The following BIRC6 variants were observed in gnomAD, a reference collection of about 807,000 sequenced individuals.
BIRC6 encodes the protein baculoviral IAP repeat containing 6, also known as dual E2 ubiquitin-conjugating enzyme/E3 ubiquitin-protein ligase BIRC6.
Under a neutral mutation model 503.3 loss-of-function variants are expected in BIRC6, and 98 were observed. That is an observed-to-expected ratio of 0.19 (90% CI 0.17 to 0.23). BIRC6 has a LOEUF of 0.23. Ranked by LOEUF, BIRC6 falls within the 10% of genes least tolerant of loss-of-function variation. The pLI, the probability that BIRC6 is intolerant of heterozygous loss-of-function variation, is 1.00. For synonymous variants in BIRC6, 2,240 were observed against 2,078.7 expected, an observed-to-expected ratio of 1.08 and a Z score of -2.11; for missense variants, 5,360 against 5,806.0, an observed-to-expected ratio of 0.92 and a Z score of 2.50.
At chr2:32,417,633 G>T (rs755030740) in intron 10 of BIRC6, among the ~76,000 whole-genome samples, 1 of 152,098 alleles carries the variant, frequency 6.6e-6, no homozygotes, top group East Asian at 1.9e-4. Context: ...GCAGAGTTAC[G>T]CATGCATCTC....
chr2:32,522,910 G>A (rs531785459), intron 57 of BIRC6: 2 of 152,280 alleles, frequency 1.3e-5, no homozygotes, highest in South Asian at 4.1e-4. Context: ...TTTCTTCCTG[G>A]ATTTCCGGCT....
chr2:32,380,722 TG>T (rs1274770613), intron 3 of BIRC6, among the ~76,000 whole-genome samples: 3 of 152,078 alleles, frequency 2.0e-5, no homozygotes, highest in African/African-American at 7.2e-5. Flanking sequence ...AGTGAGACTC[TG>T]TTGCCCAAAA....
At chr2:32,540,094 A>G (rs1475270396) in intron 61 of BIRC6, among the ~76,000 whole-genome samples, 2 of 152,102 alleles carry the variant, frequency 1.3e-5, no homozygotes, top group Admixed American at 6.5e-5. Context: ...AAGTGCATGT[A>G]TACGTTTGTA....
intron 9 of BIRC6, among the ~76,000 whole-genome samples, chr2:32,414,474 C>T (rs1256371778): frequency 1.3e-5 from 2 of 151,932 alleles, no homozygotes; most frequent in African/African-American, 4.8e-5. Flanking sequence ...TGAGACCATC[C>T]TGGACAACAT....
chr2:32,616,799 G>T (rs1171585651), intron 73 of BIRC6, among the ~76,000 whole-genome samples: 1 of 152,080 alleles, frequency 6.6e-6, no homozygotes, highest in Non-Finnish European at 1.5e-5. Context: ...AGGGATTACG[G>T]TGTTTAATTT....
chr2:32,462,243 T>A (rs1030041659), intron 23 of BIRC6, among the ~76,000 whole-genome samples: 1 of 152,252 alleles, frequency 6.6e-6, no homozygotes, highest in Non-Finnish European at 1.5e-5. Context: ...ATGCTGTTAT[T>A]AAACTTGGCA....
At position 32,367,195 on chromosome 2, in the gene BIRC6, G is replaced by A. The variant is rs555528880; in HGVS notation, c.325+9709G>A. ...AACAGTCTGTGGCCTGGGCATGGTG[G>A]CTCATGCCTGTAATCCCAGCACTTT... On this transcript the variant is annotated intron_variant, in intron 1 of 73. Coordinates refer to ENST00000421745, the MANE Select transcript of BIRC6 (RefSeq NM_016252.4). Among the ~76,000 whole-genome samples the A allele has an allele frequency of 2.6e-5, 4 of 151,614 alleles. No homozygotes were observed. In the South Asian group the frequency reaches 6.3e-4, roughly 24 times the overall value.
chr2:32,426,068 G>C (rs2043458184), intron 10 of BIRC6, among the ~76,000 whole-genome samples: 1 of 152,224 alleles, frequency 6.6e-6, no homozygotes, highest in Non-Finnish European at 1.5e-5. Context: ...TTCTAGTTGA[G>C]TGGTTGCTTT....
chr2:32,596,409 G>A (rs568700057), intron 68 of BIRC6, among the ~76,000 whole-genome samples: 4 of 150,044 alleles, frequency 2.7e-5, no homozygotes, highest in Non-Finnish European at 5.9e-5. Context: ...GAACCCGGGA[G>A]GTGGAGGTTG....
rs1203676735 is a variant in BIRC6, at chr2:32,393,702, G to A, written c.951+1552G>A. ...TCCCAGCTAATTCTGTTTATTTTTT[G>A]TAGAGATGAGATTTCACTGTGTTGC... is the stretch of plus-strand genomic sequence containing the variant. On this transcript the variant is annotated intron_variant, in intron 5 of 73. Coordinates refer to ENST00000421745, the MANE Select transcript of BIRC6 (RefSeq NM_016252.4). Among the ~76,000 whole-genome samples, 6 of 152,050 alleles carry A rather than the reference G, an allele frequency of 3.9e-5. No individual in the cohort carries two copies. In the East Asian group the frequency reaches 1.2e-3, roughly 29 times the overall value.
In BIRC6 at chr2:32,448,323, G is replaced by A. The variant is rs1330744477; in HGVS notation, c.4485-472G>A. Among the ~76,000 whole-genome samples the A allele has an allele frequency of 2.7e-4, 36 of 135,668 alleles. No homozygotes were observed. In the East Asian group the frequency reaches 6.3e-3, roughly 24 times the overall value. 89.0% of individuals were successfully genotyped at this position (135,668 alleles called of 152,430 possible). ...CAGGCGGCTGGGAGGTGGTTGTAGC[G>A]AGCCGAGATCACGCCACTGCACTCC... On this transcript the variant is annotated intron_variant, in intron 21 of 73. Coordinates refer to ENST00000421745, the MANE Select transcript of BIRC6 (RefSeq NM_016252.4).
intron 69 of BIRC6, among the ~76,000 whole-genome samples, chr2:32,598,361 C>G (rs2061810400): frequency 6.6e-6 from 1 of 151,670 alleles, no homozygotes; most frequent in Non-Finnish European, 1.5e-5. Context: ...TAATGCTGAT[C>G]AGTTAAAAAA....
chr2:32,606,229 G>T lies in BIRC6; in HGVS notation c.14071-1226G>T, dbSNP rs1392884713. ...CTCTCTTAATATATGTTACATCTGG[G>T]ACAAGCCTTCTAGTAAATAAGTGGT... is the stretch of plus-strand genomic sequence containing the variant. On this transcript the variant is annotated intron_variant, in intron 71 of 73. Coordinates refer to ENST00000421745, the MANE Select transcript of BIRC6 (RefSeq NM_016252.4). 2.0e-5 allele frequency among the ~76,000 whole-genome samples: 3 copies of T among 152,144 alleles called. No homozygotes were observed. In the East Asian group the frequency reaches 5.8e-4, roughly 29 times the overall value.
chr2:32,396,915 A>G (rs1180613028), intron 6 of BIRC6, among the ~76,000 whole-genome samples: 1 of 151,896 alleles, frequency 6.6e-6, no homozygotes, highest in Non-Finnish European at 1.5e-5. Context: ...TTTAGTAGAG[A>G]CGGGGTTTCG....
chr2:32,529,928 T>G, intron 60 of BIRC6, 104 bp downstream of exon 60: 2 of 703,950 alleles, frequency 2.8e-6, no homozygotes, highest in Non-Finnish European at 4.0e-6. Context: ...TATATCAACA[T>G]AAGATATAAT....
chr2:32,437,356 A>G (rs765252097), intron 15 of BIRC6, among the ~76,000 whole-genome samples: 1 of 152,208 alleles, frequency 6.6e-6, no homozygotes, highest in Non-Finnish European at 1.5e-5. Flanking sequence ...CTGGGGGTAA[A>G]TAAAAAAAAC....
chr2:32,392,645 C>T (rs146455754), intron 5 of BIRC6, among the ~76,000 whole-genome samples: 1 of 152,206 alleles, frequency 6.6e-6, no homozygotes, highest in East Asian at 1.9e-4. Flanking sequence ...GTCTTTGAGA[C>T]AGGGTCTCAC....
intron 66 of BIRC6, among the ~76,000 whole-genome samples, chr2:32,591,135 T>C (rs958326839): frequency 1.3e-5 from 2 of 152,202 alleles, no homozygotes; most frequent in African/African-American, 4.8e-5. Flanking sequence ...ATTCAAAGTA[T>C]TCTCACCATT....
chr2:32,379,336 A>C (rs911410128), intron 2 of BIRC6: 1 of 152,234 alleles, frequency 6.6e-6, no homozygotes, highest in African/African-American at 2.4e-5. Context: ...CAGGATATAT[A>C]ATCAGCAGCA....
Sources: allele counts gnomAD v4.1 joint callset (sites outside exome capture counted in the v4.1 genomes callset), GRCh38; gene constraint gnomAD v4.1.1; transcripts MANE v1.5; gene names NCBI Gene and HGNC (gene_info 2026-07-23, HGNC 2026-07-21).